ADGRV1: variants seen among roughly 807,000 people sequenced by gnomAD.
ADGRV1 encodes adhesion G protein-coupled receptor V1.
A neutral mutation model predicts 596.2 loss-of-function variants in ADGRV1; 359 were observed. The observed-to-expected ratio is 0.60, with a 90% CI of 0.55 to 0.66. The LOEUF is 0.66. ADGRV1 is among the 30% of genes least tolerant of loss of function. The pLI, the probability that ADGRV1 is intolerant of heterozygous loss-of-function variation, is 0.00. For synonymous variants in ADGRV1, 2,681 were observed against 2,679.2 expected (o/e 1.00, Z -0.02); for missense variants, 7,274 against 7,575.6 (o/e 0.96, Z 1.48).
At chr5:90,596,412 T>G (rs1045303343) in intron 1 of ADGRV1, among the ~76,000 whole-genome samples, 14 of 151,712 alleles carry the variant, frequency 9.2e-5, no homozygotes, top group African/African-American at 3.4e-4. Context: ...GGCTGCAATC[T>G]CGGCACTTTG....
Position 90,635,302 on chromosome 5 carries a change from C to A in ADGRV1, c.2016+12C>A. 6.3e-7 allele frequency: 1 copy of A among 1,599,486 alleles called. No homozygotes were observed. Among genetic ancestry groups the A allele is most frequent in the Non-Finnish European group, 8.5e-7 (1 of 1,173,384 alleles). ...TTGCTGCTGAAGTGGTAAGTAGGCTCTTTCTTACTGATGGGGGCTAATGAG... is the reference window on the plus strand; with the variant it reads ...TTGCTGCTGAAGTGGTAAGTAGGCTATTTCTTACTGATGGGGGCTAATGAG... On this transcript the variant is annotated intron_variant, in intron 10 of 89. Transcript: ENST00000405460.
At chr5:90,954,119 A>C (rs1777272469) in intron 83 of ADGRV1, among the ~76,000 whole-genome samples, 1 of 151,224 alleles carries the variant, frequency 6.6e-6, no homozygotes, top group Admixed American at 6.6e-5. Context: ...AGATATCCAC[A>C]TGTCATGTAA....
intron 84 of ADGRV1, among the ~76,000 whole-genome samples, chr5:90,969,877 G>A (rs976703888): frequency 1.3e-5 from 2 of 152,188 alleles, no homozygotes; most frequent in Admixed American, 1.3e-4. Context: ...GACAGTGGAG[G>A]CAGGACAGTG....
At chr5:90,841,131 A>G in intron 78 of ADGRV1, 146 bp downstream of exon 78, 1 of 584,162 alleles carries the variant, frequency 1.7e-6, no homozygotes, top group Non-Finnish European at 2.8e-6. Context: ...AATAGAATGC[A>G]TCATATCTGA....
At chr5:90,559,139 G>T (rs1580260268) in intron 1 of ADGRV1, among the ~76,000 whole-genome samples, 3 of 152,100 alleles carry the variant, frequency 2.0e-5, no homozygotes, top group African/African-American at 7.2e-5. Context: ...TGCAGGGAGC[G>T]TTAGGTTCCT....
At chr5:90,818,025 A>G (rs1763082786) in intron 75 of ADGRV1, among the ~76,000 whole-genome samples, 1 of 151,968 alleles carries the variant, frequency 6.6e-6, no homozygotes, top group African/African-American at 2.4e-5. Context: ...TTTTCACGAT[A>G]TTGATTCTTC....
intron 83 of ADGRV1, among the ~76,000 whole-genome samples, chr5:90,948,187 G>A (rs1776756900): frequency 6.6e-6 from 1 of 152,062 alleles, no homozygotes; most frequent in Non-Finnish European, 1.5e-5. Flanking sequence ...TTAGTTACTA[G>A]GTGATATTAG....
chr5:90,591,822 A>G (rs879703960), intron 1 of ADGRV1, among the ~76,000 whole-genome samples: 4 of 152,260 alleles, frequency 2.6e-5, no homozygotes, highest in Non-Finnish European at 5.9e-5. Flanking sequence ...AATGGTTAAC[A>G]TAACTTAGGC....
At chr5:90,892,344 A>G (rs1247575721) in intron 83 of ADGRV1, among the ~76,000 whole-genome samples, 1 of 152,090 alleles carries the variant, frequency 6.6e-6, no homozygotes, top group African/African-American at 2.4e-5. Flanking sequence ...CATTGATATG[A>G]AGATAGAATA....
intron 83 of ADGRV1, among the ~76,000 whole-genome samples, chr5:90,960,019 G>A (rs187857296): frequency 1.3e-5 from 2 of 151,624 alleles, no homozygotes; most frequent in Non-Finnish European, 2.9e-5. Flanking sequence ...GGCACCTGTA[G>A]TCCCAGCTAC....
chr5:91,091,146 C>T (rs1214144922), intron 86 of ADGRV1, among the ~76,000 whole-genome samples: 1 of 152,138 alleles, frequency 6.6e-6, no homozygotes, highest in Non-Finnish European at 1.5e-5. Flanking sequence ...GCTTGCAGCA[C>T]ACTTTTTCTC....
chr5:90,710,041 C>G (rs897161915), intron 39 of ADGRV1, among the ~76,000 whole-genome samples: 2 of 152,184 alleles, frequency 1.3e-5, no homozygotes, highest in Non-Finnish European at 2.9e-5. Context: ...ATGGTGTGGT[C>G]TGATTTTAGA....
chr5:91,102,161 T>C, intron 86 of ADGRV1, 58 bp from the exon 87 acceptor site: 1 of 1,524,698 alleles, frequency 6.6e-7, no homozygotes, highest in East Asian at 2.3e-5. Flanking sequence ...AATAACTGTG[T>C]ATACATGTGA....
At chr5:90,759,185 C>A (rs1361641752) in intron 57 of ADGRV1, among the ~76,000 whole-genome samples, 1 of 151,932 alleles carries the variant, frequency 6.6e-6, no homozygotes, top group Non-Finnish European at 1.5e-5. Context: ...CTTTAAAATG[C>A]CATAAATATA....
intron 88 of ADGRV1, among the ~76,000 whole-genome samples, chr5:91,150,618 A>G (rs1795970853): frequency 6.6e-6 from 1 of 152,224 alleles, no homozygotes; most frequent in Non-Finnish European, 1.5e-5. Context: ...TCCTAAAAAT[A>G]CTTTCATAGC....
At position 90,635,140 on chromosome 5, in the gene ADGRV1, A is replaced by G; in HGVS notation, c.1866A>G (p.Ile622Met). Residue 622 changes from isoleucine to methionine, a missense_variant, in exon 10 of 90, where the codon ATA becomes ATG. Coordinates refer to ENST00000405460, the MANE Select transcript of ADGRV1 (RefSeq NM_032119.4). ...VQLETVELLNIIPLIPPISPR... is the reference protein window; with the variant it reads ...VQLETVELLNMIPLIPPISPR... Reference sequence around the variant, plus strand: ...TGGAAACTGTGGAGTTGTTAAACATAATTCCTCTAATCCCACCCATAAGCC... The same window carrying G: ...TGGAAACTGTGGAGTTGTTAAACATGATTCCTCTAATCCCACCCATAAGCC... 6.2e-7 allele frequency: 1 copy of G among 1,603,132 alleles called. No individual in the cohort carries two copies. Among genetic ancestry groups the G allele is most frequent in the Non-Finnish European group, 8.5e-7 (1 of 1,170,404 alleles).
intron 61 of ADGRV1, among the ~76,000 whole-genome samples, chr5:90,777,386 T>C (rs1029779998): frequency 4.6e-5 from 7 of 152,164 alleles, no homozygotes; most frequent in African/African-American, 1.4e-4. Context: ...GCCTATCATA[T>C]AACTAAATTA....
chr5:90,637,494 G>C (rs559641607), intron 10 of ADGRV1, among the ~76,000 whole-genome samples: 2 of 152,046 alleles, frequency 1.3e-5, no homozygotes, highest in African/African-American at 4.8e-5. Flanking sequence ...GGTGAGGGTA[G>C]TTTTGTATAT....
intron 83 of ADGRV1, among the ~76,000 whole-genome samples, chr5:90,908,872 A>G (rs897849325): frequency 3.9e-5 from 6 of 152,220 alleles, no homozygotes; most frequent in African/African-American, 1.4e-4. Flanking sequence ...GTTGAGTTAA[A>G]ATGCTCAGAG....
Sources: allele counts gnomAD v4.1 joint callset (sites outside exome capture counted in the v4.1 genomes callset), GRCh38; gene constraint gnomAD v4.1.1; transcripts MANE v1.5; gene names NCBI Gene and HGNC (gene_info 2026-07-23, HGNC 2026-07-21).